TSPAN3: variants seen among roughly 807,000 people sequenced by gnomAD.
TSPAN3 encodes tetraspanin 3.
Under a neutral mutation model 31.1 loss-of-function variants are expected in TSPAN3, and 9 were observed. The ratio of observed to expected loss-of-function variants is 0.29; its 90% CI spans 0.17 to 0.50. The LOEUF (loss-of-function observed/expected upper bound fraction) is 0.50, where lower values mean the gene tolerates loss of function less well. Ranked by LOEUF, TSPAN3 falls within the 20% of genes least tolerant of loss-of-function variation. TSPAN3 has a pLI of 0.98. For synonymous variants in TSPAN3, 129 were observed against 114.3 expected, an observed-to-expected ratio of 1.13 and a Z score of -0.82; for missense variants, 252 against 313.5, an observed-to-expected ratio of 0.80 and a Z score of 1.48.
Position 77,044,169 on chromosome 15 carries a change from GA to G in TSPAN3, c.*2665del, listed in dbSNP as rs2076675784. 6.6e-6 allele frequency: 1 copy of G among 152,340 alleles called. No individual in the cohort carries two copies. Among genetic ancestry groups the G allele is most frequent in the East Asian group, 1.9e-4 (1 of 5,178 alleles). 9.4% of individuals were successfully genotyped at this position (152,340 alleles called of 1,614,324 possible). A position where few individuals can be genotyped will look rare whatever the true frequency, so the allele number is the denominator to read the frequency against. On this transcript the variant is annotated 3_prime_UTR_variant, in exon 7 of 7. Transcript: ENST00000267970. ...CCTGGACACACCCTAGAGCACCTTA[GA>G]TGCTCTGGGACCCAGGCATCTGTAG... is the stretch of plus-strand genomic sequence containing the variant.
At chr15:77,052,722 C>A (rs558969741) in intron 5 of TSPAN3, 55 bp downstream of exon 5, 2 of 1,584,024 alleles carry the variant, frequency 1.3e-6, no homozygotes, top group Admixed American at 1.7e-5. Context: ...GGTGATAAGA[C>A]ATGGTGAAAA....
chr15:77,063,904 C>G (rs1034870814), intron 1 of TSPAN3: 1 of 152,200 alleles, frequency 6.6e-6, no homozygotes, highest in African/African-American at 2.4e-5. Context: ...TTGAGACCCT[C>G]TGTTACCCCA....
chr15:77,059,134 G>A (rs1052657333), intron 1 of TSPAN3, among the ~76,000 whole-genome samples: 17 of 152,080 alleles, frequency 1.1e-4, no homozygotes, highest in African/African-American at 3.9e-4. Context: ...CCAGGCTGGA[G>A]TGCAGTGGCG....
intron 1 of TSPAN3, chr15:77,064,183 A>G (rs1320669314): frequency 6.6e-6 from 1 of 152,096 alleles, no homozygotes; most frequent in Non-Finnish European, 1.5e-5. Context: ...AAGATATGTC[A>G]ATATTTTTCA....
intron 6 of TSPAN3, among the ~76,000 whole-genome samples, chr15:77,049,220 T>C (rs558182418): frequency 4.7e-4 from 72 of 152,284 alleles, no homozygotes; most frequent in Middle Eastern, 3.4e-3. Flanking sequence ...AGGAAGTTTC[T>C]CATTTTAACG....
intron 1 of TSPAN3, among the ~76,000 whole-genome samples, chr15:77,059,825 G>C (rs1224825642): frequency 6.6e-6 from 1 of 152,154 alleles, no homozygotes; most frequent in African/African-American, 2.4e-5. Flanking sequence ...AGAACTACTT[G>C]CATTTTAGAT....
Position 77,043,715 on chromosome 15 carries a change from G to C in TSPAN3, c.*3120C>G, listed in dbSNP as rs2076672364. On this transcript the variant is annotated 3_prime_UTR_variant, in exon 7 of 7. Coordinates refer to ENST00000267970, the MANE Select transcript of TSPAN3 (RefSeq NM_005724.6). ...CCAGACCAGATCCAGCACCGCAGAGGGAAAGGTGCTATAGAGGACACGATG... is the reference window on the plus strand; with the variant it reads ...CCAGACCAGATCCAGCACCGCAGAGCGAAAGGTGCTATAGAGGACACGATG... 6.6e-6 allele frequency: 1 copy of C among 152,226 alleles called. No individual in the cohort carries two copies. Among genetic ancestry groups the C allele is most frequent in the Admixed American group, 6.5e-5 (1 of 15,280 alleles). The allele number at this position is 152,226 out of a possible 1,614,324, so 9.4% of individuals were successfully genotyped here.
At position 77,042,492 on chromosome 15, in the gene TSPAN3, G is replaced by A. The variant is rs993834497; in HGVS notation, c.*4343C>T. The stretch of plus-strand genomic sequence containing the variant: ...AAATTAGGGGAGTGCTTCCAAAAAT[G>A]CTGGGATATAGGAGGCACTCGAAGG... On this transcript the variant is annotated 3_prime_UTR_variant, in exon 7 of 7. Coordinates refer to ENST00000267970, the MANE Select transcript of TSPAN3 (RefSeq NM_005724.6). 1 of 152,158 alleles carries A rather than the reference G, an allele frequency of 6.6e-6. No homozygotes were observed. Among genetic ancestry groups the A allele is most frequent in the Non-Finnish European group, 1.5e-5 (1 of 68,036 alleles). 9.4% of individuals were successfully genotyped at this position (152,158 alleles called of 1,614,324 possible). A position where few individuals can be genotyped will look rare whatever the true frequency, so the allele number is the denominator to read the frequency against.
At chr15:77,063,965 G>A (rs1160054658) in intron 1 of TSPAN3, 3 of 152,170 alleles carry the variant, frequency 2.0e-5, no homozygotes, top group Admixed American at 6.5e-5. Context: ...GGAGCCTGAG[G>A]TGCTTAAGCT....
At position 77,044,117 on chromosome 15, in the gene TSPAN3, A is replaced by G. The variant is rs2076675448; in HGVS notation, c.*2718T>C. ...TTTTTTAAAAGAGGCCATACAATAT[A>G]GCAGTGGTCCTCAACCAGGGCTGTG... On this transcript the variant is annotated 3_prime_UTR_variant, in exon 7 of 7. Coordinates refer to ENST00000267970, the MANE Select transcript of TSPAN3 (RefSeq NM_005724.6). 6.6e-6 allele frequency: 1 copy of G among 152,214 alleles called. No homozygotes were observed. The highest frequency in any genetic ancestry group is 3.2e-3 in the Middle Eastern group (1 of 316). 9.4% of individuals were successfully genotyped at this position (152,214 alleles called of 1,614,324 possible). A position where few individuals can be genotyped will look rare whatever the true frequency, so the allele number is the denominator to read the frequency against.
chr15:77,047,169 TA>T (rs1373708309), intron 6 of TSPAN3, among the ~76,000 whole-genome samples: 4 of 152,202 alleles, frequency 2.6e-5, no homozygotes, highest in African/African-American at 9.7e-5. Flanking sequence ...AAGTCTCTCT[TA>T]TTTGGCATCC....
At chr15:77,059,440 C>G (rs897620085) in intron 1 of TSPAN3, among the ~76,000 whole-genome samples, 1 of 152,190 alleles carries the variant, frequency 6.6e-6, no homozygotes, top group East Asian at 1.9e-4. Flanking sequence ...AACTACTTAA[C>G]ACTCTTCCCA....
chr15:77,047,986 A>G (rs16968648), intron 6 of TSPAN3, among the ~76,000 whole-genome samples: 8,069 of 152,190 alleles, frequency 0.053, 576 homozygotes, highest in African/African-American at 0.17. Flanking sequence ...TGAATTCTCC[A>G]TGGTATAAAG....
chr15:77,052,303 T>C lies in TSPAN3; in HGVS notation c.669+82A>G, dbSNP rs1425033779. 6 of 1,199,882 alleles carry C rather than the reference T, an allele frequency of 5.0e-6. No homozygotes were observed. The African/African-American group carries it at 7.4e-5, about 15-fold the overall frequency. 74.3% of individuals were successfully genotyped at this position (1,199,882 alleles called of 1,614,324 possible). A position where few individuals can be genotyped will look rare whatever the true frequency, so the allele number is the denominator to read the frequency against. On this transcript the variant is annotated intron_variant, in intron 6 of 6. Transcript: ENST00000267970. The stretch of plus-strand genomic sequence containing the variant: ...ATTACCTACATACACAAAGATTCAC[T>C]GTGATGGGGATTAAAACCATTCAGG...
At chr15:77,059,272 C>A (rs193056988) in intron 1 of TSPAN3, among the ~76,000 whole-genome samples, 1 of 151,984 alleles carries the variant, frequency 6.6e-6, no homozygotes, top group Admixed American at 6.6e-5. Context: ...TTAGTGGAGA[C>A]GGGGTTTCAC....
chr15:77,052,993 A>T, intron 4 of TSPAN3, 64 bp from the exon 5 acceptor site: 1 of 1,477,584 alleles, frequency 6.8e-7, no homozygotes, highest in Non-Finnish European at 9.2e-7. Context: ...TCCATGTACT[A>T]CAGAGCTTTA....
intron 5 of TSPAN3, 138 bp from the exon 6 acceptor site, chr15:77,052,606 T>G: frequency 2.7e-6 from 3 of 1,111,012 alleles, no homozygotes; most frequent in Non-Finnish European, 3.9e-6. Flanking sequence ...ATTGGTATAA[T>G]TTACAGACAT....
intron 1 of TSPAN3, among the ~76,000 whole-genome samples, chr15:77,056,979 G>C (rs1011039000): frequency 2.0e-5 from 3 of 152,244 alleles, no homozygotes; most frequent in African/African-American, 4.8e-5. Context: ...GTTCCCAGGT[G>C]ATGCTGGTGC....
chr15:77,056,371 G>GC, intron 1 of TSPAN3, 116 bp from the exon 2 acceptor site: 2 of 741,596 alleles, frequency 2.7e-6, no homozygotes, highest in Non-Finnish European at 4.0e-6. Flanking sequence ...ACTTTTTTCA[G>GC]TAAAGCTGAA....
Sources: allele counts gnomAD v4.1 joint callset (sites outside exome capture counted in the v4.1 genomes callset), GRCh38; gene constraint gnomAD v4.1.1; transcripts MANE v1.5; gene names NCBI Gene and HGNC (gene_info 2026-07-23, HGNC 2026-07-21).